The following IL20RB variants were observed in gnomAD, a reference collection of about 807,000 sequenced individuals.
IL20RB encodes interleukin-20 receptor subunit beta.
A neutral mutation model predicts 33.3 loss-of-function variants in IL20RB; 21 were observed. The observed-to-expected ratio is 0.63, with a 90% CI of 0.45 to 0.91. The LOEUF (loss-of-function observed/expected upper bound fraction) is 0.91. Among genes scored for constraint, IL20RB ranks in the 40% least tolerant of loss-of-function variants. The probability of loss-of-function intolerance (pLI) is 0.00; values close to 1 mark genes in which losing one functional copy is unlikely to be tolerated. For missense variants in IL20RB, 345 were observed against 384.8 expected, an observed-to-expected ratio of 0.90 and a Z score of 0.86; for synonymous variants, 147 against 146.8, an observed-to-expected ratio of 1.00 and a Z score of -0.01.
At chr3:136,987,547 C>A (rs972692775) in intron 3 of IL20RB, among the ~76,000 whole-genome samples, 4 of 152,260 alleles carry the variant, frequency 2.6e-5, no homozygotes, top group African/African-American at 9.6e-5. Flanking sequence ...CGCACCAGGG[C>A]TGCCGGTGGA....
At chr3:137,008,557 C>T (rs1358213964) in intron 6 of IL20RB, among the ~76,000 whole-genome samples, 1 of 152,096 alleles carries the variant, frequency 6.6e-6, no homozygotes, top group East Asian at 1.9e-4. Flanking sequence ...ACTGTGGGAC[C>T]ACAGTTTTGC....
At position 137,001,199 on chromosome 3, in the gene IL20RB, G is replaced by A. The variant is rs1260070447; in HGVS notation, c.825+5643G>A. Among the ~76,000 whole-genome samples the A allele has an allele frequency of 2.6e-5, 4 of 152,160 alleles. No homozygotes were observed. The East Asian group carries it at 5.8e-4, about 22-fold the overall frequency. On this transcript the variant is annotated intron_variant, in intron 6 of 6. Coordinates refer to ENST00000329582, the MANE Select transcript of IL20RB (RefSeq NM_144717.4). Reference sequence around the variant, plus strand: ...CCAATTTCATCCATGGCAGATAGACGTCACTACCCTTGACTACCTTTTGCT... The same window carrying A: ...CCAATTTCATCCATGGCAGATAGACATCACTACCCTTGACTACCTTTTGCT...
intron 3 of IL20RB, among the ~76,000 whole-genome samples, chr3:136,988,229 C>T (rs1198958895): frequency 1.3e-5 from 2 of 152,174 alleles, no homozygotes. Flanking sequence ...ATCAGGGTGG[C>T]CCTTCTGGTC....
At chr3:136,995,707 A>C in intron 6 of IL20RB, 151 bp downstream of exon 6, 1 of 780,518 alleles carries the variant, frequency 1.3e-6, no homozygotes, top group South Asian at 2.2e-5. Flanking sequence ...AAAATACTTC[A>C]TTTCTAACTA....
At chr3:136,995,351 T>C (rs764976365) in intron 5 of IL20RB, 63 bp from the exon 6 acceptor site, 4 of 1,585,038 alleles carry the variant, frequency 2.5e-6, no homozygotes, top group Non-Finnish European at 3.4e-6. Flanking sequence ...CGGGGGAGGC[T>C]CAGGATTGAA....
intron 1 of IL20RB, among the ~76,000 whole-genome samples, chr3:136,976,411 T>A (rs1044967656): frequency 2.0e-5 from 3 of 152,152 alleles, no homozygotes; most frequent in Non-Finnish European, 4.4e-5. Flanking sequence ...CCTGGGCCAG[T>A]AGGTGGGGAA....
At chr3:136,961,588 T>C (rs549321713) in intron 1 of IL20RB, among the ~76,000 whole-genome samples, 8 of 151,990 alleles carry the variant, frequency 5.3e-5, no homozygotes, top group Admixed American at 4.6e-4. Flanking sequence ...AATGAAGTGA[T>C]TAAAAAAGGA....
rs932940512 is a variant in IL20RB at position 136,995,312 on chromosome 3, G to C, written c.683-102G>C. On this transcript the variant is annotated intron_variant, in intron 5 of 6. Transcript: ENST00000329582. Reference sequence around the variant, plus strand: ...CAGGATTCTGTTATCTGCCGTCTTAGCCAATGTGCAGAGTCAACTCCAGGA... The same window carrying C: ...CAGGATTCTGTTATCTGCCGTCTTACCCAATGTGCAGAGTCAACTCCAGGA... 6 of 1,349,738 alleles carry C rather than the reference G, an allele frequency of 4.4e-6. No homozygotes were observed. The Middle Eastern group carries it at 7.8e-4, about 175-fold the overall frequency. 83.6% of individuals were successfully genotyped at this position (1,349,738 alleles called of 1,614,324 possible).
At position 136,958,050 on chromosome 3, in the gene IL20RB, T is replaced by G; in HGVS notation, c.-64T>G. ...CATATGCATTCTGAAGAAAGATGGCTGAGATGGACAGAATGCTTTATTTTG... is the reference window on the plus strand; with the variant it reads ...CATATGCATTCTGAAGAAAGATGGCGGAGATGGACAGAATGCTTTATTTTG... On this transcript the variant is annotated 5_prime_UTR_variant, in exon 1 of 7. Transcript: ENST00000329582. 1 of 979,864 alleles carries G rather than the reference T, an allele frequency of 1.0e-6. No individual in the cohort carries two copies. The highest frequency in any genetic ancestry group is 1.6e-6 in the Non-Finnish European group (1 of 615,756). 60.7% of individuals were successfully genotyped at this position (979,864 alleles called of 1,614,324 possible).
intron 3 of IL20RB, 45 bp downstream of exon 3, chr3:136,982,395 C>CT: frequency 7.3e-7 from 1 of 1,369,102 alleles, no homozygotes; most frequent in Non-Finnish European, 1.0e-6. Context: ...CCAGCCCCTC[C>CT]TTTAGGAACC....
intron 5 of IL20RB, among the ~76,000 whole-genome samples, chr3:136,995,048 C>G (rs1382218185): frequency 6.6e-6 from 1 of 152,244 alleles, no homozygotes; most frequent in Non-Finnish European, 1.5e-5. Flanking sequence ...GTGCTGTTCT[C>G]TTTCAATACC....
chr3:136,976,454 G>C (rs1018028044), intron 1 of IL20RB, among the ~76,000 whole-genome samples: 1 of 152,190 alleles, frequency 6.6e-6, no homozygotes, highest in Non-Finnish European at 1.5e-5. Flanking sequence ...CAGCCCTGGC[G>C]GGGCTTACCC....
chr3:136,962,536 G>T (rs1457308058), intron 1 of IL20RB, among the ~76,000 whole-genome samples: 1 of 152,102 alleles, frequency 6.6e-6, no homozygotes, highest in African/African-American at 2.4e-5. Flanking sequence ...GGTGGATCAC[G>T]AGGTCAGGAG....
Position 136,975,818 on chromosome 3 carries a change from AG to A in IL20RB, c.89-4645del, listed in dbSNP as rs1430721124. On this transcript the variant is annotated intron_variant, in intron 1 of 6. Coordinates refer to ENST00000329582, the MANE Select transcript of IL20RB (RefSeq NM_144717.4). Reference sequence around the variant, plus strand: ...CTGAGTATGCCTGTCCGTGTTTCCCAGGGTTATGTATGCGGGCACTGGTGTT... The same window carrying A: ...CTGAGTATGCCTGTCCGTGTTTCCCAGGTTATGTATGCGGGCACTGGTGTT... Among the ~76,000 whole-genome samples, 4 of 152,154 alleles carry A rather than the reference AG, an allele frequency of 2.6e-5. No individual in the cohort carries two copies. In the East Asian group the frequency reaches 7.7e-4, roughly 29 times the overall value.
At chr3:136,993,099 AC>A (rs1409513977) in intron 5 of IL20RB, among the ~76,000 whole-genome samples, 2 of 152,208 alleles carry the variant, frequency 1.3e-5, no homozygotes, top group Non-Finnish European at 2.9e-5. Flanking sequence ...ATGGTGGCTC[AC>A]ACCTGTAATC....
intron 1 of IL20RB, among the ~76,000 whole-genome samples, chr3:136,958,967 G>T (rs201732919): frequency 6.9e-6 from 1 of 144,370 alleles, no homozygotes; most frequent in Non-Finnish European, 1.5e-5. Flanking sequence ...GTGTGTGTGT[G>T]TTTTACACAG....
intron 6 of IL20RB, among the ~76,000 whole-genome samples, chr3:137,001,401 T>A (rs1942239657): frequency 6.6e-6 from 1 of 152,214 alleles, no homozygotes; most frequent in South Asian, 2.1e-4. Context: ...ATCACTAGCG[T>A]CCATTGAATC....
intron 5 of IL20RB, among the ~76,000 whole-genome samples, chr3:136,994,017 A>AC (rs1942081405): frequency 6.6e-6 from 1 of 151,896 alleles, no homozygotes; most frequent in Admixed American, 6.6e-5. Context: ...TCTCAAAAAA[A>AC]AAAAAAATCT....
intron 3 of IL20RB, among the ~76,000 whole-genome samples, chr3:136,983,586 A>C (rs980729420): frequency 1.3e-5 from 2 of 152,228 alleles, no homozygotes; most frequent in Non-Finnish European, 2.9e-5. Flanking sequence ...CTTAGGAATC[A>C]AGTTTGTGGG....
Sources: allele counts gnomAD v4.1 joint callset (sites outside exome capture counted in the v4.1 genomes callset), GRCh38; gene constraint gnomAD v4.1.1; transcripts MANE v1.5; gene names NCBI Gene and HGNC (gene_info 2026-07-23, HGNC 2026-07-21).